The following KLHL32 variants were observed in gnomAD, a reference collection of about 807,000 sequenced individuals.
KLHL32 encodes kelch like family member 32, also known as kelch-like protein 32.
KLHL32 carries 35 observed loss-of-function variants against 64.8 expected under a neutral mutation model. That is an observed-to-expected ratio of 0.54 (90% CI 0.41 to 0.72). KLHL32 has a LOEUF of 0.72. Among genes scored for constraint, KLHL32 ranks in the 30% least tolerant of loss-of-function variants. The pLI, the probability that KLHL32 is intolerant of heterozygous loss-of-function variation, is 0.00. For synonymous variants in KLHL32, 259 were observed against 281.0 expected (o/e 0.92, Z 0.78); for missense variants, 589 against 768.5 (o/e 0.77, Z 2.76).
At chr6:96,995,945 C>T (rs1004399533) in intron 3 of KLHL32, among the ~76,000 whole-genome samples, 9 of 152,228 alleles carry the variant, frequency 5.9e-5, no homozygotes, top group African/African-American at 2.2e-4. Context: ...GTGAAGTCCA[C>T]CAAACTACTG....
intron 7 of KLHL32, among the ~76,000 whole-genome samples, chr6:97,121,096 C>T (rs569140887): frequency 9.9e-5 from 15 of 152,262 alleles, no homozygotes; most frequent in Non-Finnish European, 1.8e-4. Context: ...AACTGTATCC[C>T]GAATAAGTTG....
intron 9 of KLHL32, among the ~76,000 whole-genome samples, chr6:97,132,093 T>C (rs1159038029): frequency 6.6e-6 from 1 of 152,220 alleles, no homozygotes; most frequent in African/African-American, 2.4e-5. Flanking sequence ...TTATCCAGGC[T>C]GGTCCCAGCT....
rs77379631 is a variant in KLHL32 at position 96,956,749 on chromosome 6, G to A, written c.-65-10247G>A. On this transcript the variant is annotated intron_variant, in intron 1 of 10. Coordinates refer to ENST00000369261, the MANE Select transcript of KLHL32 (RefSeq NM_052904.4). Reference sequence around the variant, plus strand: ...AAAAAGCTCATTTAATTCTTATAATGTTCGATTGTTGTAAGAATTAAGTGT... The same window carrying A: ...AAAAAGCTCATTTAATTCTTATAATATTCGATTGTTGTAAGAATTAAGTGT... Among the ~76,000 whole-genome samples the A allele has an allele frequency of 7.9e-3, 1,207 of 152,252 alleles. 20 individuals are homozygous for A. The highest frequency in any genetic ancestry group is 0.027 in the African/African-American group (1,134 of 41,550).
chr6:97,014,323 G>GT, intron 3 of KLHL32, among the ~76,000 whole-genome samples: 1 of 150,690 alleles, frequency 6.6e-6, no homozygotes, highest in South Asian at 2.1e-4. Context: ...TTCTTTTTTC[G>GT]TATCTGTAAA....
chr6:96,902,853 C>T, the KLHL32 span, among the ~76,000 whole-genome samples: 1 of 152,118 alleles, frequency 6.6e-6, no homozygotes, highest in Non-Finnish European at 1.5e-5. Flanking sequence ...AATCCTTTCC[C>T]CCATTGCTTG....
intron 6 of KLHL32, chr6:97,105,509 G>T (rs893179117): frequency 4.2e-6 from 2 of 470,980 alleles, no homozygotes; most frequent in African/African-American, 4.0e-5. Context: ...ACCTCAATGG[G>T]ATGACAAGAC....
chr6:96,919,847 C>T (rs1768695746), upstream of KLHL32, among the ~76,000 whole-genome samples: 1 of 152,338 alleles, frequency 6.6e-6, no homozygotes, highest in African/African-American at 2.4e-5. Flanking sequence ...ACTGATATGC[C>T]TTTGGTTCCT....
At chr6:96,943,730 G>A (rs1289784771) in intron 1 of KLHL32, among the ~76,000 whole-genome samples, 1 of 152,196 alleles carries the variant, frequency 6.6e-6, no homozygotes, top group Non-Finnish European at 1.5e-5. Context: ...TCCTTTTCCA[G>A]TTAAACACTT....
chr6:97,012,044 T>C (rs1052778899), intron 3 of KLHL32, among the ~76,000 whole-genome samples: 11 of 152,224 alleles, frequency 7.2e-5, no homozygotes, highest in South Asian at 2.1e-4. Flanking sequence ...TGCTGAATGC[T>C]AGAGTCTAAA....
At chr6:96,988,451 A>G (rs1283557561) in intron 3 of KLHL32, among the ~76,000 whole-genome samples, 1 of 152,088 alleles carries the variant, frequency 6.6e-6, no homozygotes, top group Non-Finnish European at 1.5e-5. Context: ...AAGTCAGGAA[A>G]CAACAGGTGC....
intron 10 of KLHL32, among the ~76,000 whole-genome samples, chr6:97,138,458 G>T (rs1443218616): frequency 6.6e-6 from 1 of 152,072 alleles, no homozygotes; most frequent in Non-Finnish European, 1.5e-5. Context: ...AGGATTGCTT[G>T]AGCCCAAGAG....
Position 96,987,606 on chromosome 6 carries a change from A to C in KLHL32, c.204+11429A>C, listed in dbSNP as rs191632766. Among the ~76,000 whole-genome samples, 1,279 of 152,340 alleles carry C rather than the reference A, an allele frequency of 8.4e-3. 33 individuals are homozygous for C. Among genetic ancestry groups the C allele is most frequent in the African/African-American group, 0.029 (1,226 of 41,572 alleles). On this transcript the variant is annotated intron_variant, in intron 3 of 10. Coordinates refer to ENST00000369261, the MANE Select transcript of KLHL32 (RefSeq NM_052904.4). ...TCACAGAATTGGAAAAAACTACTTT[A>C]AAGTTCATATGGAACCAAAACAGAG...
intron 6 of KLHL32, among the ~76,000 whole-genome samples, chr6:97,089,495 C>T (rs1333927546): frequency 6.6e-6 from 1 of 152,114 alleles, no homozygotes; most frequent in Non-Finnish European, 1.5e-5. Context: ...CAGTCCTTTT[C>T]TGGGTAGGCG....
chr6:96,989,278 G>T (rs576235053), intron 3 of KLHL32, among the ~76,000 whole-genome samples: 1 of 152,300 alleles, frequency 6.6e-6, no homozygotes, highest in Admixed American at 6.5e-5. Flanking sequence ...AAGTGCCTAT[G>T]TTAAGCCAGG....
At chr6:97,008,328 G>A (rs916206062) in intron 3 of KLHL32, among the ~76,000 whole-genome samples, 4 of 152,140 alleles carry the variant, frequency 2.6e-5, no homozygotes, top group Admixed American at 6.5e-5. Flanking sequence ...TTGGGCATCT[G>A]AGGCTGCACT....
At chr6:96,942,157 C>T (rs893789012) in intron 1 of KLHL32, among the ~76,000 whole-genome samples, 2 of 152,200 alleles carry the variant, frequency 1.3e-5, no homozygotes, top group Non-Finnish European at 2.9e-5. Flanking sequence ...GCGGTTACCC[C>T]ACAGTCACTG....
the KLHL32 span, among the ~76,000 whole-genome samples, chr6:96,918,622 G>A: frequency 6.6e-6 from 1 of 152,148 alleles, no homozygotes; most frequent in South Asian, 2.1e-4. Flanking sequence ...AAAATTTGAT[G>A]TATCACCAAG....
intron 9 of KLHL32, among the ~76,000 whole-genome samples, chr6:97,131,446 T>C (rs1691380812): frequency 6.6e-6 from 1 of 152,218 alleles, no homozygotes; most frequent in Non-Finnish European, 1.5e-5. Context: ...CACAGGAGTT[T>C]AGCTGCATTT....
At chr6:97,069,691 G>T (rs150135723) in intron 5 of KLHL32, among the ~76,000 whole-genome samples, 7 of 151,948 alleles carry the variant, frequency 4.6e-5, no homozygotes, top group Admixed American at 2.0e-4. Flanking sequence ...GGATTGAAAG[G>T]TGCCTCCATT....
Sources: allele counts gnomAD v4.1 joint callset (sites outside exome capture counted in the v4.1 genomes callset), GRCh38; gene constraint gnomAD v4.1.1; transcripts MANE v1.5; gene names NCBI Gene and HGNC (gene_info 2026-07-23, HGNC 2026-07-21).